PSPH: variants seen among roughly 807,000 people sequenced by gnomAD.
The protein encoded by PSPH is L-3-phosphoserine phosphatase.
In PSPH, 16 loss-of-function variants were observed where a neutral mutation model predicts 23.4. That is an observed-to-expected ratio of 0.68 (90% CI 0.46 to 1.04). The LOEUF (loss-of-function observed/expected upper bound fraction) is 1.04, where lower values mean the gene tolerates loss of function less well. PSPH is among the 50% of genes least tolerant of loss of function. The probability of loss-of-function intolerance (pLI) is 0.00; values close to 1 mark genes in which losing one functional copy is unlikely to be tolerated. For synonymous variants in PSPH, 68 were observed against 99.7 expected (o/e 0.68, Z 1.89); for missense variants, 223 against 273.7 (o/e 0.81, Z 1.31).
chr7:56,037,551 T>C (rs958113810), intron 1 of PSPH, among the ~76,000 whole-genome samples: 8 of 151,760 alleles, frequency 5.3e-5, no homozygotes, highest in Non-Finnish European at 7.4e-5. Flanking sequence ...TCCGAGTAGG[T>C]TGGACCACAG....
chr7:56,043,993 G>C lies in PSPH; in HGVS notation c.-292+7145C>G, dbSNP rs190497834. On this transcript the variant is annotated intron_variant, in intron 1 of 7. Transcript: ENST00000275605. The stretch of plus-strand genomic sequence containing the variant: ...TTTTTTTGAGATGGAGTTTCGTCTT[G>C]TTGCCCAGGCTGAAGTGCAATGGCG... Among the ~76,000 whole-genome samples, 776 of 152,058 alleles carry C rather than the reference G, an allele frequency of 5.1e-3. 6 individuals are homozygous for C. The highest frequency in any genetic ancestry group is 5.8e-3 in the Non-Finnish European group (396 of 68,006).
At chr7:56,045,807 A>G (rs145422159) in intron 1 of PSPH, among the ~76,000 whole-genome samples, 3 of 151,526 alleles carry the variant, frequency 2.0e-5, no homozygotes, top group East Asian at 3.9e-4. Flanking sequence ...GAATCGCTTA[A>G]ACCCAGGAAG....
intron 6 of PSPH, among the ~76,000 whole-genome samples, chr7:56,015,675 TTGAGACAG>T (rs565470894): frequency 3.3e-4 from 51 of 152,282 alleles, no homozygotes; most frequent in African/African-American, 1.2e-3. Flanking sequence ...TAATTTATTT[TTGAGACAG>T]TGTCTCACTC....
At chr7:56,019,266 C>T (rs1270197787) in intron 5 of PSPH, among the ~76,000 whole-genome samples, 1 of 151,788 alleles carries the variant, frequency 6.6e-6, no homozygotes, top group African/African-American at 2.4e-5. Flanking sequence ...ATGGCGAAAC[C>T]CATCTCTACT....
At chr7:56,034,817 A>T (rs1791519121) in intron 1 of PSPH, among the ~76,000 whole-genome samples, 2 of 152,156 alleles carry the variant, frequency 1.3e-5, no homozygotes, top group Admixed American at 6.5e-5. Context: ...CGCCCGGCCA[A>T]GACTACTTAT....
In PSPH at chr7:56,051,419, G is replaced by A. The variant is rs1268048301; in HGVS notation, c.-573C>T. 4 of 201,584 alleles carry A rather than the reference G, an allele frequency of 2.0e-5. No individual in the cohort carries two copies. In the South Asian group the frequency reaches 2.0e-4, roughly 10 times the overall value. 12.5% of individuals were successfully genotyped at this position (201,584 alleles called of 1,614,324 possible). ...GCCCCACGGCACCTAGGGCACCGTC[G>A]AGCACACGGTCCGGGAAGCTCCAAT... is the stretch of plus-strand genomic sequence containing the variant. On this transcript the variant is annotated 5_prime_UTR_variant, in exon 1 of 8. Coordinates refer to ENST00000275605, the MANE Select transcript of PSPH (RefSeq NM_004577.4).
intron 3 of PSPH, among the ~76,000 whole-genome samples, chr7:56,023,197 A>G (rs901592139): frequency 2.0e-5 from 3 of 152,112 alleles, no homozygotes; most frequent in African/African-American, 7.2e-5. Context: ...AAAATGGTGA[A>G]GGTACAGGAA....
At chr7:56,029,297 G>C (rs1002537869) in intron 3 of PSPH, among the ~76,000 whole-genome samples, 3 of 152,008 alleles carry the variant, frequency 2.0e-5, no homozygotes, top group Non-Finnish European at 4.4e-5. Context: ...TGGATTCTTC[G>C]TATTTGGCTC....
At chr7:56,019,313 C>T (rs1028064899) in intron 5 of PSPH, among the ~76,000 whole-genome samples, 2 of 151,236 alleles carry the variant, frequency 1.3e-5, no homozygotes, top group Non-Finnish European at 1.5e-5. Flanking sequence ...CTGGTGGGCA[C>T]CTGTAATCCC....
chr7:56,017,448 T>C (rs889829738), intron 5 of PSPH, 69 bp from the exon 6 acceptor site: 104 of 1,533,246 alleles, frequency 6.8e-5, no homozygotes, highest in Non-Finnish European at 8.5e-5. Context: ...AAACGAAACA[T>C]GAAGAGGGAA....
intron 1 of PSPH, among the ~76,000 whole-genome samples, chr7:56,045,613 G>A (rs902052317): frequency 2.6e-5 from 4 of 151,994 alleles, no homozygotes; most frequent in Non-Finnish European, 4.4e-5. Context: ...CTGGCCAGGC[G>A]CGGTGGCTCC....
intron 1 of PSPH, among the ~76,000 whole-genome samples, chr7:56,043,557 C>T (rs1792826468): frequency 6.6e-6 from 1 of 151,540 alleles, no homozygotes; most frequent in Non-Finnish European, 1.5e-5. Context: ...TGGCTCATGC[C>T]TGTAATCCTA....
chr7:56,017,848 G>A (rs1034216996), intron 5 of PSPH, among the ~76,000 whole-genome samples: 1 of 150,728 alleles, frequency 6.6e-6, no homozygotes, highest in African/African-American at 2.4e-5. Flanking sequence ...TCAGCCTCCC[G>A]AGTAGCTGGG....
intron 3 of PSPH, among the ~76,000 whole-genome samples, chr7:56,023,261 C>A (rs980958683): frequency 1.3e-5 from 2 of 150,172 alleles, no homozygotes; most frequent in Admixed American, 6.6e-5. Context: ...AGAGTCAAAA[C>A]AAATTTTTTT....
intron 2 of PSPH, 73 bp from the exon 3 acceptor site, chr7:56,032,127 T>A (rs1791081039): frequency 6.6e-6 from 1 of 152,128 alleles, no homozygotes; most frequent in South Asian, 2.1e-4. Context: ...CTGGCTTCAC[T>A]CTCTCTCCTG....
At chr7:56,020,798 C>A (rs536163476) in intron 4 of PSPH, among the ~76,000 whole-genome samples, 1 of 152,272 alleles carries the variant, frequency 6.6e-6, no homozygotes, top group South Asian at 2.1e-4. Context: ...TCAACCATGA[C>A]ACAAAGCCAC....
chr7:56,016,387 G>A (rs1788561668), intron 6 of PSPH, among the ~76,000 whole-genome samples: 1 of 131,860 alleles, frequency 7.6e-6, no homozygotes, highest in Non-Finnish European at 1.6e-5. Context: ...CAGAGCAATA[G>A]AGTGAGACCC....
chr7:56,033,588 C>T (rs1357495683), intron 2 of PSPH: 1 of 151,576 alleles, frequency 6.6e-6, no homozygotes, highest in African/African-American at 2.4e-5. Flanking sequence ...TAATTCCCAA[C>T]TTAAGGCTGT....
intron 1 of PSPH, among the ~76,000 whole-genome samples, chr7:56,049,139 T>C (rs1265607217): frequency 6.6e-6 from 1 of 151,728 alleles, no homozygotes; most frequent in African/African-American, 2.4e-5. Context: ...TTAGCCAGGA[T>C]AGTGTCGATC....
Sources: gnomAD v4.1 joint callset for allele counts (sites outside exome capture counted in the v4.1 genomes callset) on GRCh38, gnomAD v4.1.1 for gene constraint, MANE v1.5 for transcripts, NCBI Gene and HGNC (gene_info 2026-07-23, HGNC 2026-07-21) for gene names.